Variants in XKR4 observed in about 807,000 individuals in gnomAD.
XKR4 encodes the protein XK related 4.
A neutral mutation model predicts 53.9 loss-of-function variants in XKR4; 12 were observed. The observed-to-expected ratio is 0.22, with a 90% CI of 0.14 to 0.36. The LOEUF (loss-of-function observed/expected upper bound fraction) is 0.36, where lower values mean the gene tolerates loss of function less well. XKR4 is among the 10% of genes least tolerant of loss of function. The pLI is 1.00. For synonymous variants in XKR4, 354 were observed against 362.4 expected, an observed-to-expected ratio of 0.98 and a Z score of 0.26; for missense variants, 799 against 859.5, an observed-to-expected ratio of 0.93 and a Z score of 0.88.
At chr8:55,178,805 A>G (rs1817268219) in intron 1 of XKR4, among the ~76,000 whole-genome samples, 1 of 152,206 alleles carries the variant, frequency 6.6e-6, no homozygotes, top group African/African-American at 2.4e-5. Context: ...CTGCATAGAC[A>G]AAAATGGCCC....
intron 2 of XKR4, among the ~76,000 whole-genome samples, chr8:55,447,996 T>A (rs1805371267): frequency 1.3e-5 from 2 of 152,178 alleles, no homozygotes. Context: ...GCCCCCACCC[T>A]CACTCCTGAG....
At chr8:55,311,813 T>C (rs1370445671) in intron 1 of XKR4, among the ~76,000 whole-genome samples, 1 of 125,198 alleles carries the variant, frequency 8.0e-6, no homozygotes, top group Non-Finnish European at 1.6e-5. Context: ...TAACTGAAAC[T>C]GTCTCTGTAA....
chr8:55,453,682 C>T (rs1482173869), intron 2 of XKR4: 3 of 407,384 alleles, frequency 7.4e-6, no homozygotes, highest in African/African-American at 2.1e-5. Flanking sequence ...GCCGGGGCGC[C>T]CATCTCAGGT....
At chr8:55,388,018 A>T (rs1363666542) in intron 2 of XKR4, among the ~76,000 whole-genome samples, 3 of 152,196 alleles carry the variant, frequency 2.0e-5, no homozygotes, top group African/African-American at 7.2e-5. Context: ...AAGTTAGGAC[A>T]ATTATCAGAT....
intron 2 of XKR4, among the ~76,000 whole-genome samples, chr8:55,465,104 A>C (rs1026139365): frequency 4.6e-5 from 7 of 152,140 alleles, no homozygotes; most frequent in Non-Finnish European, 8.8e-5. Flanking sequence ...TCAAGCTACC[A>C]ATGACTTTCT....
At chr8:55,225,404 A>G (rs1414898814) in intron 1 of XKR4, among the ~76,000 whole-genome samples, 2 of 152,238 alleles carry the variant, frequency 1.3e-5, no homozygotes, top group South Asian at 2.1e-4. Context: ...TTCTTTGCCT[A>G]TTAGCCATTT....
At chr8:55,106,288 G>C (rs1019138310) in intron 1 of XKR4, among the ~76,000 whole-genome samples, 2 of 152,110 alleles carry the variant, frequency 1.3e-5, no homozygotes, top group South Asian at 4.2e-4. Context: ...GGTAAGATTT[G>C]CATGTATTTA....
At chr8:55,440,465 GGAGTTAT>G (rs1323969696) in intron 2 of XKR4, among the ~76,000 whole-genome samples, 1 of 152,130 alleles carries the variant, frequency 6.6e-6, no homozygotes, top group Non-Finnish European at 1.5e-5. Flanking sequence ...AGACTTAAAA[GGAGTTAT>G]GATGTGGGAA....
intron 1 of XKR4, among the ~76,000 whole-genome samples, chr8:55,296,540 C>G (rs1819104011): frequency 6.6e-6 from 1 of 151,782 alleles, no homozygotes; most frequent in South Asian, 2.1e-4. Context: ...TATTTTTTTT[C>G]TTATGGAGAA....
At chr8:55,437,041 C>G (rs1185106142) in intron 2 of XKR4, among the ~76,000 whole-genome samples, 1 of 152,128 alleles carries the variant, frequency 6.6e-6, no homozygotes, top group Admixed American at 6.6e-5. Context: ...GAATTCAACA[C>G]AGAGATTGAA....
chr8:55,496,630 A>G (rs1806353700), intron 2 of XKR4, among the ~76,000 whole-genome samples: 1 of 152,236 alleles, frequency 6.6e-6, no homozygotes, highest in Non-Finnish European at 1.5e-5. Flanking sequence ...AAGAAACTAC[A>G]GTGAAAACCT....
intron 2 of XKR4, among the ~76,000 whole-genome samples, chr8:55,478,204 G>A (rs1056847376): frequency 3.3e-5 from 5 of 152,100 alleles, no homozygotes; most frequent in South Asian, 4.1e-4. Context: ...CGGATCTCTT[G>A]GCAGAAACTC....
chr8:55,316,454 G>A (rs115967345), intron 1 of XKR4, among the ~76,000 whole-genome samples: 2 of 152,162 alleles, frequency 1.3e-5, no homozygotes, highest in African/African-American at 4.8e-5. Flanking sequence ...TACTCCTTTT[G>A]TCAAAGGTGA....
chr8:55,445,047 T>G (rs895225225), intron 2 of XKR4, among the ~76,000 whole-genome samples: 3 of 152,166 alleles, frequency 2.0e-5, no homozygotes, highest in African/African-American at 4.8e-5. Context: ...TGAATTTTGT[T>G]TTTTTGTTTT....
At position 55,529,887 on chromosome 8, in the gene XKR4, C is replaced by CTCTA. The variant is rs1196430700; in HGVS notation, c.*5661_*5664dup. On this transcript the variant is annotated 3_prime_UTR_variant, in exon 3 of 3. Coordinates refer to ENST00000327381, the MANE Select transcript of XKR4 (RefSeq NM_052898.2). Reference sequence around the variant, plus strand: ...CACCTGTAACTAAATTTTACCTTAACTCTAACTCATAGTAGGCAGATAAAT... The same window carrying CTCTA: ...CACCTGTAACTAAATTTTACCTTAACTCTATCTAACTCATAGTAGGCAGATAAAT... 1.3e-5 allele frequency: 2 copies of CTCTA among 152,110 alleles called. No homozygotes were observed. The highest frequency in any genetic ancestry group is 2.9e-5 in the Non-Finnish European group (2 of 68,022). 9.4% of individuals were successfully genotyped at this position (152,110 alleles called of 1,614,324 possible).
chr8:55,402,099 G>A (rs1033652131), intron 2 of XKR4, among the ~76,000 whole-genome samples: 1 of 152,162 alleles, frequency 6.6e-6, no homozygotes, highest in Non-Finnish European at 1.5e-5. Context: ...GCAGTAGGTA[G>A]CCTCTAGAAA....
At chr8:55,142,040 G>A (rs1791204283) in intron 1 of XKR4, 2 of 454,816 alleles carry the variant, frequency 4.4e-6, no homozygotes, top group Admixed American at 4.7e-5. Flanking sequence ...TGAACTCAGA[G>A]CCCTGCCACC....
At chr8:55,427,456 C>T (rs7006066) in intron 2 of XKR4, among the ~76,000 whole-genome samples, 13,341 of 152,180 alleles carry the variant, frequency 0.088, 1,311 homozygotes, top group African/African-American at 0.24. Flanking sequence ...AGCAATCCCC[C>T]TGCCTCGACC....
intron 2 of XKR4, among the ~76,000 whole-genome samples, chr8:55,389,001 C>T (rs1357492356): frequency 4.6e-5 from 7 of 152,128 alleles, no homozygotes; most frequent in African/African-American, 1.4e-4. Flanking sequence ...ATGAGGTGAT[C>T]AGGGTGGGGG....
Sources: gnomAD v4.1 joint callset for allele counts (sites outside exome capture counted in the v4.1 genomes callset) on GRCh38, gnomAD v4.1.1 for gene constraint, MANE v1.5 for transcripts, NCBI Gene and HGNC (gene_info 2026-07-23, HGNC 2026-07-21) for gene names.